PARD6B: variants seen among roughly 807,000 people sequenced by gnomAD.
The protein encoded by PARD6B is partitioning defective 6 homolog beta.
PARD6B carries 4 observed loss-of-function variants against 10.5 expected under a neutral mutation model. That is an observed-to-expected ratio of 0.38 (90% CI 0.19 to 0.87). The LOEUF is 0.87. PARD6B is among the 40% of genes least tolerant of loss of function. PARD6B has a pLI of 0.41. For missense variants in PARD6B, 396 were observed against 470.6 expected (o/e 0.84, Z 1.47); for synonymous variants, 169 against 170.4 (o/e 0.99, Z 0.07).
In PARD6B at chr20:50,750,687, A is replaced by G; in HGVS notation, c.*199A>G. 1 of 1,359,744 alleles carries G rather than the reference A, an allele frequency of 7.4e-7. No individual in the cohort carries two copies. The highest frequency in any genetic ancestry group is 9.4e-7 in the Non-Finnish European group (1 of 1,059,960). 84.2% of individuals were successfully genotyped at this position (1,359,744 alleles called of 1,614,324 possible). A position where few individuals can be genotyped will look rare whatever the true frequency, so the allele number is the denominator to read the frequency against. On this transcript the variant is annotated 3_prime_UTR_variant, in exon 3 of 3. Coordinates refer to ENST00000371610, the MANE Select transcript of PARD6B (RefSeq NM_032521.3). ...GTGGATCAGAGGTGAATTTAAGTCCAAAACAAAGGGGCCTTTGCTGATGAA... is the reference window on the plus strand; with the variant it reads ...GTGGATCAGAGGTGAATTTAAGTCCGAAACAAAGGGGCCTTTGCTGATGAA...
At chr20:50,746,218 A>G (rs890136881) in intron 2 of PARD6B, among the ~76,000 whole-genome samples, 6 of 152,200 alleles carry the variant, frequency 3.9e-5, no homozygotes, top group Admixed American at 6.5e-5. Context: ...TAGGCTTTTC[A>G]GAATTAATGT....
At chr20:50,742,958 G>T (rs985392235) in intron 2 of PARD6B, among the ~76,000 whole-genome samples, 1 of 152,106 alleles carries the variant, frequency 6.6e-6, no homozygotes, top group African/African-American at 2.4e-5. Context: ...TCATGCAGAG[G>T]ATCCCAATCC....
intron 2 of PARD6B, among the ~76,000 whole-genome samples, chr20:50,746,009 A>G (rs970374203): frequency 4.6e-5 from 7 of 151,732 alleles, no homozygotes; most frequent in Admixed American, 1.3e-4. Flanking sequence ...TGATGGCTGT[A>G]CTATAATGGT....
Position 50,749,965 on chromosome 20 carries a change from C to T in PARD6B, c.596C>T (p.Pro199Leu). The T allele has an allele frequency of 6.2e-7, 1 of 1,614,180 alleles. No homozygotes were observed. Among genetic ancestry groups the T allele is most frequent in the Non-Finnish European group, 8.5e-7 (1 of 1,180,044 alleles). Residue 199 changes from proline (P) to leucine (L), a missense_variant, in exon 3 of 3, where the codon CCA (proline) becomes CTA (leucine). Transcript: ENST00000371610. ...GGGATCTTTATATCCAGGCTTGTCC[C>T]AGGAGGTCTGGCTCAAAGTACAGGA... The part of the protein sequence containing the change: ...VPGIFISRLV[P>L]GGLAQSTGLL...
rs1424130902 is a variant in PARD6B, at chr20:50,753,623, TTAC to T, written c.*3139_*3141del. ...TTTATAACTATCAAATGTCAGTATT[TTAC>T]TACAATTTTATTATAAAGTGTACAT... On this transcript the variant is annotated 3_prime_UTR_variant, in exon 3 of 3. Coordinates refer to ENST00000371610, the MANE Select transcript of PARD6B (RefSeq NM_032521.3). The T allele has an allele frequency of 7.5e-6, 6 of 803,024 alleles. No homozygotes were observed. The highest frequency in any genetic ancestry group is 2.5e-4 in the East Asian group (2 of 7,974). 49.7% of individuals were successfully genotyped at this position (803,024 alleles called of 1,614,324 possible). A position where few individuals can be genotyped will look rare whatever the true frequency, so the allele number is the denominator to read the frequency against.
Position 50,731,622 on chromosome 20 carries a change from G to A in PARD6B, c.-165G>A, listed in dbSNP as rs2087470933. ...CGCCGTGTGAGCAGCTGGTGGAGTG[G>A]AGCTCAGCGCGGACGCCGGAGCTGC... On this transcript the variant is annotated 5_prime_UTR_variant, in exon 1 of 3. Coordinates refer to ENST00000371610, the MANE Select transcript of PARD6B (RefSeq NM_032521.3). 1 of 493,576 alleles carries A rather than the reference G, an allele frequency of 2.0e-6. No individual in the cohort carries two copies. 30.6% of individuals were successfully genotyped at this position (493,576 alleles called of 1,614,324 possible).
Position 50,753,142 on chromosome 20 carries a change from G to C in PARD6B, c.*2654G>C. 1.0e-6 allele frequency: 1 copy of C among 983,686 alleles called. No homozygotes were observed. Among genetic ancestry groups the C allele is most frequent in the South Asian group, 4.7e-5 (1 of 21,240 alleles). 60.9% of individuals were successfully genotyped at this position (983,686 alleles called of 1,614,324 possible). A position where few individuals can be genotyped will look rare whatever the true frequency, so the allele number is the denominator to read the frequency against. On this transcript the variant is annotated 3_prime_UTR_variant, in exon 3 of 3. Coordinates refer to ENST00000371610, the MANE Select transcript of PARD6B (RefSeq NM_032521.3). The stretch of plus-strand genomic sequence containing the variant: ...AAACTACTTCAGGGCTTGACTTTTT[G>C]TACAAATTTTAACTGTAAAATACAG...
chr20:50,742,473 C>T (rs955371435), intron 2 of PARD6B, among the ~76,000 whole-genome samples: 1 of 151,876 alleles, frequency 6.6e-6, no homozygotes, highest in African/African-American at 2.4e-5. Flanking sequence ...TCAAGCGATT[C>T]TCCTGCCTCA....
rs1438866564 is a variant in PARD6B, at chr20:50,749,837, T to C, written c.468T>C (p.Arg156=). Residue 156 remains arginine, a synonymous_variant, in exon 3 of 3, where the codon CGT becomes CGC. Coordinates refer to ENST00000371610, the MANE Select transcript of PARD6B (RefSeq NM_032521.3). ...TGGATATTCTCCCAGAAACGCATCG[T>C]AGGGTACGTCTTTACAAATACGGCA... ...IDVDILPETH[R]RVRLYKYGTE... 4.3e-6 allele frequency: 7 copies of C among 1,614,012 alleles called. No individual in the cohort carries two copies. Among genetic ancestry groups the C allele is most frequent in the Non-Finnish European group, 5.9e-6 (7 of 1,180,048 alleles).
At chr20:50,747,489 CTTTTT>C (rs58629233) in intron 2 of PARD6B, among the ~76,000 whole-genome samples, 13 of 33,350 alleles carry the variant, frequency 3.9e-4, no homozygotes, top group East Asian at 2.8e-3. Context: ...TTCTTTCTTT[CTTTTT>C]TTTTTTTTTT....
intron 1 of PARD6B, among the ~76,000 whole-genome samples, chr20:50,733,825 GA>G (rs1213524990): frequency 6.6e-6 from 1 of 151,966 alleles, no homozygotes; most frequent in African/African-American, 2.4e-5. Flanking sequence ...TTTTTCCACA[GA>G]AAAAAATGAG....
intron 1 of PARD6B, among the ~76,000 whole-genome samples, chr20:50,736,655 G>A (rs1230987813): frequency 6.0e-5 from 9 of 149,174 alleles, no homozygotes; most frequent in Non-Finnish European, 4.4e-5. Flanking sequence ...TATAAATCCT[G>A]TTTATCATGG....
Position 50,752,531 on chromosome 20 carries a change from T to C in PARD6B, c.*2043T>C, listed in dbSNP as rs2087619214. Reference sequence around the variant, plus strand: ...AACTTTAATTCCTTGCCTGATTTTATTGTACAGTGTGCACAAGCACAATGG... The same window carrying C: ...AACTTTAATTCCTTGCCTGATTTTACTGTACAGTGTGCACAAGCACAATGG... On this transcript the variant is annotated 3_prime_UTR_variant, in exon 3 of 3. Coordinates refer to ENST00000371610, the MANE Select transcript of PARD6B (RefSeq NM_032521.3). The C allele has an allele frequency of 5.1e-6, 5 of 975,216 alleles. No homozygotes were observed. Among genetic ancestry groups the C allele is most frequent in the Non-Finnish European group, 6.1e-6 (5 of 825,416 alleles). The allele number at this position is 975,216 out of a possible 1,614,324, so 60.4% of individuals were successfully genotyped here.
At chr20:50,737,804 G>C in intron 1 of PARD6B, 53 bp from the exon 2 acceptor site, 1 of 1,217,994 alleles carries the variant, frequency 8.2e-7, no homozygotes, top group Admixed American at 2.8e-5. Context: ...TTTCAAATTG[G>C]GTCCTTTTAC....
In PARD6B at chr20:50,749,897, C is replaced by T. The variant is rs759866968; in HGVS notation, c.528C>T (p.Gly176=). 2 of 1,614,188 alleles carry T rather than the reference C, an allele frequency of 1.2e-6. No homozygotes were observed. The highest frequency in any genetic ancestry group is 2.7e-5 in the African/African-American group (2 of 75,044). The change falls in exon 3 of 3, where the codon GGC becomes GGT. Residue 176 remains glycine (G), a synonymous_variant. Coordinates refer to ENST00000371610, the MANE Select transcript of PARD6B (RefSeq NM_032521.3). ...EKPLGFYIRD[G]SSVRVTPHGL... ...CCCTAGGATTCTACATCCGGGATGGCTCCAGTGTCAGGGTAACACCACATG... is the reference window on the plus strand; with the variant it reads ...CCCTAGGATTCTACATCCGGGATGGTTCCAGTGTCAGGGTAACACCACATG...
At chr20:50,748,818 A>G (rs944252975) in intron 2 of PARD6B, among the ~76,000 whole-genome samples, 1 of 152,148 alleles carries the variant, frequency 6.6e-6, no homozygotes, top group African/African-American at 2.4e-5. Context: ...CACCACGCCC[A>G]ACCACATTAC....
At chr20:50,743,096 A>T (rs902523721) in intron 2 of PARD6B, among the ~76,000 whole-genome samples, 21 of 152,226 alleles carry the variant, frequency 1.4e-4, no homozygotes, top group Non-Finnish European at 2.8e-4. Flanking sequence ...TTTTAAAAAA[A>T]TATTTAAAGC....
intron 1 of PARD6B, among the ~76,000 whole-genome samples, chr20:50,733,591 T>TAC (rs2087484107): frequency 1.3e-5 from 1 of 76,644 alleles, no homozygotes; most frequent in Admixed American, 2.0e-4. Flanking sequence ...TTGCTTGAGC[T>TAC]ATAGCGTTAA....
chr20:50,749,760 A>G lies in PARD6B; in HGVS notation c.391A>G (p.Ile131Val). ...RPDNHRKKPH[I>V]VISMPQDFRP... Reference sequence around the variant, plus strand: ...TGACAACCATAGAAAAAAGCCACATATAGTCATTAGTATGCCCCAAGACTT... The same window carrying G: ...TGACAACCATAGAAAAAAGCCACATGTAGTCATTAGTATGCCCCAAGACTT... The change falls in exon 3 of 3, where the codon ATA becomes GTA. Residue 131 changes from isoleucine (I) to valine (V), a missense_variant. This residue lies in a region of PARD6B where 208 missense variants were observed against 300.9 expected (regional missense o/e 0.69). Coordinates refer to ENST00000371610, the MANE Select transcript of PARD6B (RefSeq NM_032521.3). The G allele has an allele frequency of 2.5e-6, 4 of 1,614,218 alleles. No homozygotes were observed. The highest frequency in any genetic ancestry group is 3.4e-6 in the Non-Finnish European group (4 of 1,180,022).
Sources: allele counts gnomAD v4.1 joint callset (sites outside exome capture counted in the v4.1 genomes callset), GRCh38; gene constraint gnomAD v4.1.1; regional missense constraint gnomAD v4.1.1; transcripts MANE v1.5; gene names NCBI Gene and HGNC (gene_info 2026-07-23, HGNC 2026-07-21).